Variants in IMMP2L observed in about 807,000 individuals in gnomAD.
The protein encoded by IMMP2L is mitochondrial inner membrane protease subunit 2.
In IMMP2L, 18 loss-of-function variants were observed where a neutral mutation model predicts 19.3. That is an observed-to-expected ratio of 0.93 (90% confidence interval 0.64 to 1.38). The LOEUF is 1.38. Among genes scored for constraint, IMMP2L ranks in the 40% most tolerant of loss-of-function variants. The probability of loss-of-function intolerance (pLI) is 0.00; values close to 1 mark genes in which losing one functional copy is unlikely to be tolerated. For synonymous variants in IMMP2L, 76 were observed against 73.0 expected (o/e 1.04, Z -0.21); for missense variants, 233 against 218.2 (o/e 1.07, Z -0.43).
At chr7:110,913,993 A>G (rs1260378908) in intron 4 of IMMP2L, among the ~76,000 whole-genome samples, 2 of 152,130 alleles carry the variant, frequency 1.3e-5, no homozygotes, top group Non-Finnish European at 2.9e-5. Flanking sequence ...ACAATTTCAT[A>G]ATAAACAGAT....
chr7:111,445,746 G>A (rs2131841269), intron 3 of IMMP2L, among the ~76,000 whole-genome samples: 1 of 152,324 alleles, frequency 6.6e-6, no homozygotes, highest in South Asian at 2.1e-4. Flanking sequence ...ACAGCTCCCA[G>A]CGTGAGTGAC....
chr7:110,720,534 T>C (rs1237893032), intron 5 of IMMP2L, among the ~76,000 whole-genome samples: 13 of 152,318 alleles, frequency 8.5e-5, no homozygotes, highest in Admixed American at 2.6e-4. Context: ...AGTATTATTA[T>C]CTTAAAATAA....
chr7:111,421,263 TTTTC>T (rs1835496329), intron 3 of IMMP2L, among the ~76,000 whole-genome samples: 1 of 142,564 alleles, frequency 7.0e-6, no homozygotes, highest in South Asian at 2.1e-4. Flanking sequence ...TTGTTTGTTT[TTTTC>T]TTTTTTTTTT....
At chr7:111,487,210 A>C in intron 3 of IMMP2L, 28 bp downstream of exon 3, 1 of 1,010,556 alleles carries the variant, frequency 9.9e-7, no homozygotes, top group Non-Finnish European at 1.6e-6. Context: ...TTTTATATAC[A>C]AATATAGTAT....
intron 3 of IMMP2L, among the ~76,000 whole-genome samples, chr7:110,999,488 A>G (rs1328724741): frequency 6.6e-6 from 1 of 151,258 alleles, no homozygotes; most frequent in East Asian, 1.9e-4. Context: ...TTCAACAATC[A>G]TATTTGTATT....
intron 1 of IMMP2L, among the ~76,000 whole-genome samples, chr7:111,557,143 C>G (rs1227140144): frequency 6.6e-6 from 1 of 152,116 alleles, no homozygotes; most frequent in African/African-American, 2.4e-5. Flanking sequence ...CTACTTCCAC[C>G]TTTATCTAAG....
At chr7:110,927,536 A>G (rs916740198) in intron 4 of IMMP2L, among the ~76,000 whole-genome samples, 3 of 152,172 alleles carry the variant, frequency 2.0e-5, no homozygotes, top group African/African-American at 7.2e-5. Context: ...GTAGAGAGAT[A>G]TGACTGTAGA....
intron 3 of IMMP2L, among the ~76,000 whole-genome samples, chr7:111,298,555 G>A (rs1821866775): frequency 6.6e-6 from 1 of 151,974 alleles, no homozygotes; most frequent in Non-Finnish European, 1.5e-5. Context: ...TTCAAGACCA[G>A]GCTGGCCAAC....
At position 110,832,045 on chromosome 7, in the gene IMMP2L, C is replaced by T. The variant is rs183308067; in HGVS notation, c.408+54548G>A. Among the ~76,000 whole-genome samples, 40 of 152,250 alleles carry T rather than the reference C, an allele frequency of 2.6e-4. No individual in the cohort carries two copies. In the East Asian group the frequency reaches 2.9e-3, roughly 11 times the overall value. ...TTGGGAGGTTGAGGTGTGCGGATCACGAGGTCAGGAGATCAAGACTACCCT... is the reference window on the plus strand; with the variant it reads ...TTGGGAGGTTGAGGTGTGCGGATCATGAGGTCAGGAGATCAAGACTACCCT... On this transcript the variant is annotated intron_variant, in intron 5 of 5. Transcript: ENST00000405709.
intron 3 of IMMP2L, among the ~76,000 whole-genome samples, chr7:111,448,975 C>T (rs1168198660): frequency 6.7e-6 from 1 of 149,984 alleles, no homozygotes; most frequent in Non-Finnish European, 1.5e-5. Flanking sequence ...TGGATACATT[C>T]CTCGACACAT....
chr7:111,414,071 C>A (rs1239643492), intron 3 of IMMP2L, among the ~76,000 whole-genome samples: 1 of 151,734 alleles, frequency 6.6e-6, no homozygotes, highest in African/African-American at 2.4e-5. Context: ...TTCAAAAACA[C>A]CCCCATGAGA....
At chr7:110,664,408 C>A (rs1791298972) in intron 5 of IMMP2L, among the ~76,000 whole-genome samples, 1 of 151,578 alleles carries the variant, frequency 6.6e-6, no homozygotes, top group South Asian at 2.1e-4. Context: ...GGATGGGTAG[C>A]AAGGAAAAAT....
intron 3 of IMMP2L, among the ~76,000 whole-genome samples, chr7:111,239,382 A>C (rs1814728148): frequency 6.6e-6 from 1 of 151,954 alleles, no homozygotes; most frequent in Non-Finnish European, 1.5e-5. Context: ...AACCATTGTT[A>C]ATTTTCACAA....
intron 2 of IMMP2L, among the ~76,000 whole-genome samples, chr7:111,510,043 T>C (rs186279290): frequency 4.6e-5 from 7 of 152,248 alleles, no homozygotes; most frequent in Admixed American, 4.6e-4. Flanking sequence ...AAAGGATTTA[T>C]AATCATGAGT....
At chr7:110,956,556 G>A (rs958092056) in intron 4 of IMMP2L, among the ~76,000 whole-genome samples, 6 of 151,902 alleles carry the variant, frequency 3.9e-5, no homozygotes, top group African/African-American at 1.4e-4. Flanking sequence ...GTTTCTGCTT[G>A]TTTTGGCAGT....
chr7:110,848,675 A>T (rs1170622793), intron 5 of IMMP2L, among the ~76,000 whole-genome samples: 1 of 152,176 alleles, frequency 6.6e-6, no homozygotes, highest in Non-Finnish European at 1.5e-5. Flanking sequence ...TCAGCAGGTA[A>T]ATGGATAAGT....
chr7:111,504,893 A>G (rs1389427618), intron 2 of IMMP2L, among the ~76,000 whole-genome samples: 2 of 152,020 alleles, frequency 1.3e-5, no homozygotes, highest in Non-Finnish European at 2.9e-5. Flanking sequence ...AGGCAATACC[A>G]TTCAGGACAT....
At chr7:111,363,886 T>A (rs776489465) in intron 3 of IMMP2L, among the ~76,000 whole-genome samples, 2 of 152,048 alleles carry the variant, frequency 1.3e-5, no homozygotes, top group Non-Finnish European at 2.9e-5. Flanking sequence ...TACCTTTCCA[T>A]CATGTTGTCC....
intron 5 of IMMP2L, among the ~76,000 whole-genome samples, chr7:110,749,112 A>T (rs1257592395): frequency 4.6e-5 from 7 of 152,238 alleles, no homozygotes; most frequent in Admixed American, 2.0e-4. Flanking sequence ...TCTCAAAAGA[A>T]GACATTTATG....
Sources: allele counts gnomAD v4.1 joint callset (sites outside exome capture counted in the v4.1 genomes callset), GRCh38; gene constraint gnomAD v4.1.1; transcripts MANE v1.5; gene names NCBI Gene and HGNC (gene_info 2026-07-23, HGNC 2026-07-21).